UTP4: variants seen among roughly 807,000 people sequenced by gnomAD.
UTP4 encodes UTP4 small subunit processome component, also known as U3 small nucleolar RNA-associated protein 4 homolog.
UTP4 carries 45 observed loss-of-function variants against 82.4 expected under a neutral mutation model. The observed-to-expected ratio is 0.55, with a 90% CI of 0.43 to 0.70. UTP4 has a LOEUF of 0.70. UTP4 is among the 30% of genes least tolerant of loss of function. The pLI is 0.00. For missense variants in UTP4, 819 were observed against 858.3 expected, an observed-to-expected ratio of 0.95 and a Z score of 0.57; for synonymous variants, 348 against 300.3, an observed-to-expected ratio of 1.16 and a Z score of -1.64.
At position 69,168,920 on chromosome 16, in the gene UTP4, A is replaced by C; in HGVS notation, c.2044A>C (p.Lys682Gln). 6.2e-7 allele frequency: 1 copy of C among 1,612,604 alleles called. No individual in the cohort carries two copies. The highest frequency in any genetic ancestry group is 8.5e-7 in the Non-Finnish European group (1 of 1,178,560). ...IAQLPPPIKKKKFGT is the reference protein window; with the variant it reads ...IAQLPPPIKKQKFGT ...TCAGCTCCCACCACCCATTAAAAAG[A>C]AGAAATTTGGAACCTAAAACAGGGC... is the stretch of plus-strand genomic sequence containing the variant. Residue 682 changes from lysine to glutamine, a missense_variant, in exon 17 of 17, where the codon AAG becomes CAG. Coordinates refer to ENST00000314423, the MANE Select transcript of UTP4 (RefSeq NM_032830.3).
At position 69,139,808 on chromosome 16, in the gene UTP4, G is replaced by T. The variant is rs1289153766; in HGVS notation, c.437-17G>T. On this transcript the variant is annotated splice_polypyrimidine_tract_variant and intron_variant, in intron 4 of 16. Coordinates refer to ENST00000314423, the MANE Select transcript of UTP4 (RefSeq NM_032830.3). Reference sequence around the variant, plus strand: ...TATGTGTATGTCACTTTCTTTTTTTGTTGTCCAACTCCCAAGGTCGCATCC... The same window carrying T: ...TATGTGTATGTCACTTTCTTTTTTTTTTGTCCAACTCCCAAGGTCGCATCC... The T allele has an allele frequency of 6.3e-7, 1 of 1,584,474 alleles. No individual in the cohort carries two copies. The highest frequency in any genetic ancestry group is 8.7e-7 in the Non-Finnish European group (1 of 1,153,446).
intron 6 of UTP4, among the ~76,000 whole-genome samples, chr16:69,146,915 A>G (rs943146441): frequency 6.7e-6 from 1 of 149,906 alleles, no homozygotes; most frequent in African/African-American, 2.5e-5. Context: ...AGGCAGGAGA[A>G]TGGCGTGAAC....
intron 9 of UTP4, 45 bp from the exon 10 acceptor site, chr16:69,154,348 C>T: frequency 6.9e-7 from 1 of 1,440,434 alleles, no homozygotes; most frequent in Non-Finnish European, 9.8e-7. Flanking sequence ...TGTACAAATA[C>T]TCTTTCTTTC....
intron 14 of UTP4, among the ~76,000 whole-genome samples, chr16:69,164,590 A>ATATATATATATATATATATG (rs1963650218): frequency 1.4e-5 from 1 of 72,670 alleles, no homozygotes; most frequent in African/African-American, 5.4e-5. Context: ...CATTCTTTAT[A>ATATATATATATATATATATG]TATATATATA....
chr16:69,168,029 G>A (rs72789245), intron 16 of UTP4, among the ~76,000 whole-genome samples: 8,212 of 151,772 alleles, frequency 0.054, 254 homozygotes, highest in South Asian at 0.075. Flanking sequence ...AAGAACTTAG[G>A]CTTTAAAGTC....
Position 69,155,871 on chromosome 16 carries a change from G to C in UTP4, c.1165G>C (p.Gly389Arg). ...ADHLLHLKTK[G>R]PENIICSCIS... ...TCATCTTGATTCCTGATATTGCCAG[G>C]GTCCTGAGAACATTATCTGTAGCTG... Residue 389 changes from glycine (G) to arginine (R), a missense_variant and splice_region_variant, in exon 11 of 17, where the codon GGT becomes CGT. Gly to Arg is a moderately radical substitution (Grantham distance 125). Transcript: ENST00000314423. 6.2e-7 allele frequency: 1 copy of C among 1,614,040 alleles called. No homozygotes were observed. The highest frequency in any genetic ancestry group is 8.5e-7 in the Non-Finnish European group (1 of 1,179,988).
chr16:69,153,435 T>A, intron 8 of UTP4, 149 bp from the exon 9 acceptor site: 2 of 689,346 alleles, frequency 2.9e-6, no homozygotes, highest in South Asian at 3.1e-5. Context: ...CTCAGGGCAG[T>A]GCCTGGCATA....
chr16:69,155,819 C>T (rs1963394296), intron 10 of UTP4, 52 bp from the exon 11 acceptor site: 1 of 1,611,374 alleles, frequency 6.2e-7, no homozygotes, highest in Non-Finnish European at 8.5e-7. Flanking sequence ...CCCAGTGCAC[C>T]TTGTTATGTG....
chr16:69,136,779 C>G lies in UTP4; in HGVS notation c.243C>G (p.Gly81=). The change falls in exon 3 of 17, where the codon GGC becomes GGG. Residue 81 remains glycine (G), a synonymous_variant. Transcript: ENST00000314423. The part of the protein sequence containing the change: ...GQRLFSAGLN[G]EIMEYDLQAL... ...GACTCTTTAGTGCTGGGCTCAATGG[C>G]GAGATTATGGAGTATGATTTACAGG... 6.2e-7 allele frequency: 1 copy of G among 1,613,914 alleles called. No homozygotes were observed. Among genetic ancestry groups the G allele is most frequent in the Non-Finnish European group, 8.5e-7 (1 of 1,179,976 alleles).
chr16:69,167,004 C>A, intron 15 of UTP4, 71 bp from the exon 16 acceptor site: 1 of 996,964 alleles, frequency 1.0e-6, no homozygotes, highest in Non-Finnish European at 1.6e-6. Flanking sequence ...GCTCAAAATG[C>A]ACTACAGATC....
chr16:69,133,262 A>G (rs1241924327), intron 1 of UTP4, among the ~76,000 whole-genome samples, 196 bp from the exon 2 acceptor site: 1 of 151,832 alleles, frequency 6.6e-6, no homozygotes, highest in East Asian at 1.9e-4. Flanking sequence ...AAGCCTCCTT[A>G]TTATTCAAGC....
At position 69,163,158 on chromosome 16, in the gene UTP4, A is replaced by G. The variant is rs1371820744; in HGVS notation, c.1627A>G (p.Ile543Val). The G allele has an allele frequency of 1.9e-6, 3 of 1,613,714 alleles. No individual in the cohort carries two copies. The highest frequency in any genetic ancestry group is 1.1e-5 in the South Asian group (1 of 91,080). The change falls in exon 14 of 17, where the codon ATC becomes GTC. Residue 543 changes from isoleucine (I) to valine (V), a missense_variant. Physicochemically the swap from Ile to Val is conservative, Grantham distance 29 (BLOSUM62 3). Transcript: ENST00000314423. ...TGCCCCCAATACCAACAACCTTGTC[A>G]TCGCTCATTCGGACCAGCAGGTAAG... is the stretch of plus-strand genomic sequence containing the variant. ...AIAPNTNNLV[I>V]AHSDQQVFEY...
intron 2 of UTP4, among the ~76,000 whole-genome samples, chr16:69,135,402 GA>G (rs1962785275): frequency 2.0e-5 from 3 of 152,070 alleles, no homozygotes; most frequent in South Asian, 4.1e-4. Context: ...CTCAGAGCAA[GA>G]AAAAATTAGT....
intron 15 of UTP4, 49 bp downstream of exon 15, chr16:69,165,575 T>C (rs1352778499): frequency 6.7e-7 from 1 of 1,499,308 alleles, no homozygotes; most frequent in South Asian, 1.1e-5. Context: ...ATCTTAAAGT[T>C]CTAAAAGCAA....
chr16:69,136,009 A>G (rs1299754220), intron 2 of UTP4, among the ~76,000 whole-genome samples: 1 of 152,220 alleles, frequency 6.6e-6, no homozygotes, highest in Non-Finnish European at 1.5e-5. Flanking sequence ...AGCCTGGGCA[A>G]TAAGAGCGAA....
chr16:69,156,693 G>A (rs1963423973), intron 11 of UTP4, among the ~76,000 whole-genome samples: 1 of 151,786 alleles, frequency 6.6e-6, no homozygotes, highest in Non-Finnish European at 1.5e-5. Flanking sequence ...CCTGACCTCA[G>A]GTGATCCACC....
At chr16:69,163,952 C>A (rs888588674) in intron 14 of UTP4, among the ~76,000 whole-genome samples, 1 of 144,608 alleles carries the variant, frequency 6.9e-6, no homozygotes, top group Non-Finnish European at 1.5e-5. Flanking sequence ...GTGGTGCGAT[C>A]TCCGATCACT....
At position 69,143,099 on chromosome 16, in the gene UTP4, C is replaced by G. The variant is rs949348800; in HGVS notation, c.527-79C>G. 6 of 1,450,146 alleles carry G rather than the reference C, an allele frequency of 4.1e-6. No homozygotes were observed. In the African/African-American group the frequency reaches 8.4e-5, roughly 20 times the overall value. The allele number at this position is 1,450,146 out of a possible 1,614,324, so 89.8% of individuals were successfully genotyped here. On this transcript the variant is annotated intron_variant, in intron 5 of 16. Transcript: ENST00000314423. The stretch of plus-strand genomic sequence containing the variant: ...CCTTAAACTCCAGGGCTCAAGCAGT[C>G]CTTCCACTTTGGCCGCAGGCAGATT...
intron 6 of UTP4, among the ~76,000 whole-genome samples, chr16:69,147,105 A>T (rs1473320377): frequency 6.7e-6 from 1 of 148,778 alleles, no homozygotes; most frequent in Admixed American, 6.7e-5. Flanking sequence ...TGAACCCGGG[A>T]GATAGACGTT....
Sources: allele counts gnomAD v4.1 joint callset (sites outside exome capture counted in the v4.1 genomes callset), GRCh38; gene constraint gnomAD v4.1.1; transcripts MANE v1.5; gene names NCBI Gene and HGNC (gene_info 2026-07-23, HGNC 2026-07-21).